Variants in SLC22A8 observed in about 807,000 individuals in gnomAD.
SLC22A8 encodes solute carrier family 22 member 8.
Under a neutral mutation model 48.4 loss-of-function variants are expected in SLC22A8, and 40 were observed. The ratio of observed to expected loss-of-function variants is 0.83; its 90% CI spans 0.64 to 1.08. The LOEUF (loss-of-function observed/expected upper bound fraction) is 1.08. Ranked by LOEUF, SLC22A8 falls within the 50% of genes least tolerant of loss-of-function variation. SLC22A8 has a pLI of 0.00. For synonymous variants in SLC22A8, 268 were observed against 286.3 expected, an observed-to-expected ratio of 0.94 and a Z score of 0.65; for missense variants, 606 against 699.0, an observed-to-expected ratio of 0.87 and a Z score of 1.50.
rs201611920 is a variant in SLC22A8, at chr11:63,014,786, C to T, written c.173G>A (p.Gly58Glu). 29 of 1,613,332 alleles carry T rather than the reference C, an allele frequency of 1.8e-5. No homozygotes were observed. In the Admixed American group the frequency reaches 4.7e-4, roughly 26 times the overall value. Residue 58 changes from glycine (G) to glutamate (E), a missense_variant, in exon 2 of 11, where the codon GGG (glycine) becomes GAG (glutamate). By Grantham distance (98) the Gly-to-Glu change is moderately conservative. Transcript: ENST00000336232. Reference sequence around the variant, plus strand: ...TGGGCCCATGGGGAGCACCCAAGGCCCTGTGGAGGCATTGTGGGGCGGGCG... The same window carrying T: ...TGGGCCCATGGGGAGCACCCAAGGCTCTGTGGAGGCATTGTGGGGCGGGCG... ...HCRPPHNAST[G>E]PWVLPMGPNG...
chr11:63,014,581 G>A, intron 2 of SLC22A8, 45 bp downstream of exon 2: 1 of 1,499,180 alleles, frequency 6.7e-7, no homozygotes, highest in Non-Finnish European at 9.1e-7. Flanking sequence ...TGCAGGGTAT[G>A]GGGGTACGTG....
chr11:62,998,769 G>A (rs1565296277), intron 5 of SLC22A8, 152 bp downstream of exon 5: 2 of 628,832 alleles, frequency 3.2e-6, no homozygotes, highest in East Asian at 2.7e-5. Flanking sequence ...GCATGCATTT[G>A]TTTATGTAGT....
intron 2 of SLC22A8, among the ~76,000 whole-genome samples, chr11:63,010,503 A>C (rs1462731297): frequency 6.6e-6 from 1 of 152,192 alleles, no homozygotes; most frequent in African/African-American, 2.4e-5. Flanking sequence ...ACCCAAGCAC[A>C]TGGAACTGGA....
chr11:63,014,216 C>G (rs1007714762), intron 2 of SLC22A8, among the ~76,000 whole-genome samples: 1 of 152,220 alleles, frequency 6.6e-6, no homozygotes, highest in Non-Finnish European at 1.5e-5. Context: ...TCCCCACGCC[C>G]TCACTCTCAC....
intron 5 of SLC22A8, among the ~76,000 whole-genome samples, chr11:62,996,724 T>C (rs1192509692): frequency 1.3e-5 from 2 of 152,122 alleles, no homozygotes; most frequent in East Asian, 3.9e-4. Context: ...GGTCTTGGGA[T>C]TGGCAAATAG....
In SLC22A8 at chr11:62,993,150, A is replaced by G; in HGVS notation, c.*87T>C. On this transcript the variant is annotated 3_prime_UTR_variant, in exon 11 of 11. Coordinates refer to ENST00000336232, the MANE Select transcript of SLC22A8 (RefSeq NM_004254.4). ...TCTCAGAAGGCTTCATCCTAGGAGG[A>G]TGGACCTATATGGGGCCTCCCTATA... The G allele has an allele frequency of 1.1e-6, 1 of 937,130 alleles. No homozygotes were observed. Among genetic ancestry groups the G allele is most frequent in the Non-Finnish European group, 1.6e-6 (1 of 617,142 alleles). The allele number at this position is 937,130 out of a possible 1,614,324, so 58.1% of individuals were successfully genotyped here. A position where few individuals can be genotyped will look rare whatever the true frequency, so the allele number is the denominator to read the frequency against.
intron 6 of SLC22A8, 99 bp from the exon 7 acceptor site, chr11:62,995,918 G>C: frequency 6.5e-7 from 1 of 1,543,556 alleles, no homozygotes; most frequent in Non-Finnish European, 9.0e-7. Flanking sequence ...GGAGCTCAGG[G>C]AATCAGATGT....
intron 8 of SLC22A8, 75 bp from the exon 9 acceptor site, chr11:62,993,953 G>T (rs1046528819): frequency 1.7e-5 from 16 of 922,478 alleles, no homozygotes; most frequent in Non-Finnish European, 2.5e-5. Context: ...AGCTGATCTT[G>T]TCTCCCTTTT....
chr11:63,007,873 G>C (rs2086574163), intron 2 of SLC22A8, among the ~76,000 whole-genome samples: 1 of 152,214 alleles, frequency 6.6e-6, no homozygotes, highest in South Asian at 2.1e-4. Flanking sequence ...AAGAACCTGA[G>C]GCTCAGAGGG....
At chr11:63,008,778 A>AC (rs1183325897) in intron 2 of SLC22A8, among the ~76,000 whole-genome samples, 1 of 151,428 alleles carries the variant, frequency 6.6e-6, no homozygotes, top group South Asian at 2.1e-4. Context: ...ACCTCCCAAC[A>AC]CCCCCCGTCT....
intron 2 of SLC22A8, among the ~76,000 whole-genome samples, chr11:63,013,655 A>C (rs1180430019): frequency 6.6e-6 from 1 of 152,174 alleles, no homozygotes; most frequent in Non-Finnish European, 1.5e-5. Context: ...TCTGAAACTG[A>C]CCAGCCATGT....
chr11:63,010,988 T>A (rs549517439), intron 2 of SLC22A8, among the ~76,000 whole-genome samples: 1 of 152,320 alleles, frequency 6.6e-6, no homozygotes, highest in African/African-American at 2.4e-5. Context: ...TCAGTGTTGA[T>A]TGAGCACTTG....
chr11:62,993,384 C>G (rs760094537), intron 10 of SLC22A8, 40 bp downstream of exon 10: 9 of 1,613,512 alleles, frequency 5.6e-6, no homozygotes, highest in East Asian at 4.5e-5. Context: ...ACCTGCTTCC[C>G]CAGGGAGGAG....
intron 2 of SLC22A8, among the ~76,000 whole-genome samples, chr11:63,006,590 T>A (rs958505460): frequency 2.8e-5 from 4 of 142,436 alleles, no homozygotes; most frequent in Non-Finnish European, 4.5e-5. Context: ...GAATGTCTCA[T>A]TTGAGTTTTT....
intron 2 of SLC22A8, among the ~76,000 whole-genome samples, chr11:63,002,403 T>C (rs1046697735): frequency 3.9e-5 from 6 of 152,196 alleles, no homozygotes; most frequent in Admixed American, 3.3e-4. Context: ...CTTCTAGTTA[T>C]GGTGAAATAA....
At chr11:62,997,102 C>A (rs1175221770) in intron 5 of SLC22A8, among the ~76,000 whole-genome samples, 1 of 152,240 alleles carries the variant, frequency 6.6e-6, no homozygotes, top group African/African-American at 2.4e-5. Context: ...GGCACTCTAT[C>A]CTCCTCTTCC....
At chr11:62,999,463 C>T in intron 4 of SLC22A8, 1 of 475,544 alleles carries the variant, frequency 2.1e-6, no homozygotes, top group Admixed American at 3.7e-5. Flanking sequence ...GATTGTGTAC[C>T]TAGCAGAGTG....
chr11:63,007,167 C>T (rs1357691987), intron 2 of SLC22A8, among the ~76,000 whole-genome samples: 1 of 152,072 alleles, frequency 6.6e-6, no homozygotes, highest in African/African-American at 2.4e-5. Flanking sequence ...TTTAATTATC[C>T]TTATTTTACT....
chr11:63,006,616 T>TTTTTTTTTTTTTTTTG (rs2086559104), intron 2 of SLC22A8, among the ~76,000 whole-genome samples: 1 of 126,438 alleles, frequency 7.9e-6, no homozygotes, highest in South Asian at 3.1e-4. Context: ...TTTTTTTTTT[T>TTTTTTTTTTTTTTTTG]TTTTTTTTTG....
Sources: allele counts gnomAD v4.1 joint callset (sites outside exome capture counted in the v4.1 genomes callset), GRCh38; gene constraint gnomAD v4.1.1; transcripts MANE v1.5; gene names NCBI Gene and HGNC (gene_info 2026-07-23, HGNC 2026-07-21).